The following VPS35L variants were observed in gnomAD, a reference collection of about 807,000 sequenced individuals.
VPS35L encodes VPS35 endosomal protein sorting factor like, also known as VPS35 endosomal protein-sorting factor-like.
Under a neutral mutation model 133.0 loss-of-function variants are expected in VPS35L, and 83 were observed. The observed-to-expected ratio is 0.62, with a 90% confidence interval of 0.52 to 0.75. The LOEUF is 0.75. Among genes scored for constraint, VPS35L ranks in the 30% least tolerant of loss-of-function variants. VPS35L has a pLI of 0.00. For missense variants in VPS35L, 1,083 were observed against 1,206.8 expected (o/e 0.90, Z 1.52); for synonymous variants, 423 against 449.9 (o/e 0.94, Z 0.76).
chr16:19,671,996 T>C (rs1291449361), intron 27 of VPS35L, among the ~76,000 whole-genome samples: 3 of 152,176 alleles, frequency 2.0e-5, no homozygotes, highest in African/African-American at 7.2e-5. Context: ...CTAATTGTTT[T>C]ATTTTGAGAA....
chr16:19,569,676 T>C, intron 3 of VPS35L, 85 bp downstream of exon 3: 4 of 1,338,488 alleles, frequency 3.0e-6, no homozygotes, highest in Non-Finnish European at 3.9e-6. Context: ...CTGCCCTTTT[T>C]TTTCCCCTGA....
At chr16:19,667,752 C>A (rs79959452) in intron 26 of VPS35L, among the ~76,000 whole-genome samples, 2,670 of 145,918 alleles carry the variant, frequency 0.018, 54 homozygotes, top group African/African-American at 0.058. Context: ...AAAAAAAAAA[C>A]CAGAAAAAAA....
chr16:19,617,943 C>A, intron 14 of VPS35L: 1 of 152,542 alleles, frequency 6.6e-6, no homozygotes, highest in South Asian at 2.0e-4. Flanking sequence ...CAAAAATTAA[C>A]TGTGCGTGGT....
chr16:19,578,371 C>T (rs1368757528), intron 5 of VPS35L: 2 of 407,602 alleles, frequency 4.9e-6, no homozygotes, highest in Non-Finnish European at 4.7e-6. Context: ...AAGACCCCAT[C>T]TCAAAAAAAA....
rs997483786 is a variant in VPS35L, at chr16:19,573,031, A to G, written c.286-88A>G. The G allele has an allele frequency of 5.7e-6, 8 of 1,401,352 alleles. No individual in the cohort carries two copies. In the Admixed American group the frequency reaches 1.1e-4, roughly 18 times the overall value. The allele number at this position is 1,401,352 out of a possible 1,614,324, so 86.8% of individuals were successfully genotyped here. ...GACAAATCTCTTTTATTCCACAGTA[A>G]AGGACTATCTGGCTTCTATTTATAT... On this transcript the variant is annotated intron_variant, in intron 3 of 30. Coordinates refer to ENST00000417362, the MANE Select transcript of VPS35L (RefSeq NM_020314.7).
In VPS35L at chr16:19,699,495, G is replaced by A. The variant is rs780156594; in HGVS notation, c.2647-7G>A. 1.5e-5 allele frequency: 25 copies of A among 1,613,858 alleles called. No homozygotes were observed. The highest frequency in any genetic ancestry group is 8.3e-5 in the Admixed American group (5 of 59,990). On this transcript the variant is annotated splice_region_variant and splice_polypyrimidine_tract_variant and intron_variant, in intron 29 of 30. Coordinates refer to ENST00000417362, the MANE Select transcript of VPS35L (RefSeq NM_020314.7). The surrounding 1 kb of genome is among the most constrained non-coding windows in gnomAD (Gnocchi z 4.2). Reference sequence around the variant, plus strand: ...TGCAAGGCAGTAACCTCCCTTTTCTGTTTCAGGCCCTGAAGCGCCAGAGCT... The same window carrying A: ...TGCAAGGCAGTAACCTCCCTTTTCTATTTCAGGCCCTGAAGCGCCAGAGCT...
intron 15 of VPS35L, among the ~76,000 whole-genome samples, chr16:19,626,576 A>G (rs1283818453): frequency 2.6e-5 from 4 of 152,070 alleles, no homozygotes; most frequent in African/African-American, 9.7e-5. Flanking sequence ...AGCCTGGCCA[A>G]CGTGGCAAAA....
At chr16:19,619,192 C>G (rs1972997444) in intron 14 of VPS35L, among the ~76,000 whole-genome samples, 1 of 152,064 alleles carries the variant, frequency 6.6e-6, no homozygotes, top group African/African-American at 2.4e-5. Context: ...CTCGGCTTCC[C>G]AGAGTGCTGG....
At position 19,674,110 on chromosome 16, in the gene VPS35L, G is replaced by T. The variant is rs1462388967; in HGVS notation, c.2361+4811G>T. Among the ~76,000 whole-genome samples, 6 of 149,744 alleles carry T rather than the reference G, an allele frequency of 4.0e-5. No homozygotes were observed. In the East Asian group the frequency reaches 9.8e-4, roughly 24 times the overall value. ...ATGGGATGCGCCACACCTGAGCCAT[G>T]CCCATTATGAGTAGATCTAGCATTA... On this transcript the variant is annotated intron_variant, in intron 27 of 30. Transcript: ENST00000417362.
At chr16:19,682,531 A>AC in intron 28 of VPS35L, 141 bp downstream of exon 28, 2 of 982,036 alleles carry the variant, frequency 2.0e-6, no homozygotes, top group Non-Finnish European at 2.9e-6. Context: ...CACTGTATTT[A>AC]CCTGATCTAA....
At chr16:19,620,722 G>A (rs9926464) in intron 14 of VPS35L, among the ~76,000 whole-genome samples, 3,101 of 152,182 alleles carry the variant, frequency 0.02, 121 homozygotes, top group African/African-American at 0.071. Context: ...AGGCCAAGGC[G>A]GGCGGATCTC....
At chr16:19,584,564 T>C (rs1321896378) in intron 7 of VPS35L, among the ~76,000 whole-genome samples, 1 of 150,928 alleles carries the variant, frequency 6.6e-6, no homozygotes, top group Non-Finnish European at 1.5e-5. Flanking sequence ...GAGGCAGAGG[T>C]TGCAGTGAGC....
In VPS35L at chr16:19,642,267, T is replaced by G. The variant is rs149872522; in HGVS notation, c.1785-129T>G. 1,044 of 697,646 alleles carry G rather than the reference T, an allele frequency of 1.5e-3. 7 individuals are homozygous for G. In the African/African-American group the frequency reaches 0.017, roughly 12 times the overall value. 43.2% of individuals were successfully genotyped at this position (697,646 alleles called of 1,614,324 possible). ...AGAACATGGCTCGTTACTGGTAAAC[T>G]GGGCTGGGTGAAATGCCAGCTGGAT... On this transcript the variant is annotated intron_variant, in intron 21 of 30. Transcript: ENST00000417362.
intron 1 of VPS35L, among the ~76,000 whole-genome samples, chr16:19,556,859 T>C (rs1011648730): frequency 1.3e-5 from 2 of 151,072 alleles, no homozygotes; most frequent in African/African-American, 2.4e-5. Context: ...GTATGGTGGC[T>C]CACGCCTGTA....
chr16:19,574,272 G>A (rs1971468277), intron 4 of VPS35L, among the ~76,000 whole-genome samples: 1 of 152,150 alleles, frequency 6.6e-6, no homozygotes, highest in African/African-American at 2.4e-5. Context: ...GTTGAGTGTT[G>A]CCTCACATTC....
intron 29 of VPS35L, chr16:19,694,223 CAAT>C (rs1975821499): frequency 6.6e-6 from 1 of 152,088 alleles, no homozygotes; most frequent in African/African-American, 2.4e-5. Flanking sequence ...TATTATGTAT[CAAT>C]AATTTTTAAA....
At chr16:19,562,755 A>T (rs763809917) in intron 1 of VPS35L, among the ~76,000 whole-genome samples, 1 of 151,104 alleles carries the variant, frequency 6.6e-6, no homozygotes, top group Non-Finnish European at 1.5e-5. Flanking sequence ...TCTCCTTCAG[A>T]TTTTTTTTTC....
intron 26 of VPS35L, among the ~76,000 whole-genome samples, chr16:19,668,253 A>G (rs1418795934): frequency 6.6e-6 from 1 of 152,082 alleles, no homozygotes; most frequent in East Asian, 1.9e-4. Flanking sequence ...GACCATGAAA[A>G]CATTTGATCT....
chr16:19,660,952 T>C (rs1974463247), intron 26 of VPS35L, among the ~76,000 whole-genome samples: 1 of 152,124 alleles, frequency 6.6e-6, no homozygotes, highest in Non-Finnish European at 1.5e-5. Context: ...TTGTTAACAG[T>C]ATGGACATCT....
Sources: gnomAD v4.1 joint callset for allele counts (sites outside exome capture counted in the v4.1 genomes callset) on GRCh38, gnomAD v4.1.1 for gene constraint, Gnocchi (gnomAD v3.1) non-coding constraint, MANE v1.5 for transcripts, NCBI Gene and HGNC (gene_info 2026-07-23, HGNC 2026-07-21) for gene names.